The following GRM5 variants were observed in gnomAD, a reference collection of about 807,000 sequenced individuals.
The protein encoded by GRM5 is metabotropic glutamate receptor 5.
In GRM5, 19 loss-of-function variants were observed where a neutral mutation model predicts 83.1. That is an observed-to-expected ratio of 0.23 (90% CI 0.16 to 0.34). The LOEUF is 0.34. Ranked by LOEUF, GRM5 falls within the 10% of genes least tolerant of loss-of-function variation. GRM5 has a pLI of 1.00. For synonymous variants in GRM5, 675 were observed against 633.6 expected (o/e 1.07, Z -0.98); for missense variants, 1,160 against 1,588.3 (o/e 0.73, Z 4.58).
intron 7 of GRM5, among the ~76,000 whole-genome samples, chr11:88,569,763 C>T (rs1375232516): frequency 2.0e-5 from 3 of 152,220 alleles, no homozygotes; most frequent in Non-Finnish European, 2.9e-5. Context: ...TGCATATCCA[C>T]ATCTTCTTTG....
At chr11:88,876,618 G>C (rs567428631) in intron 2 of GRM5, among the ~76,000 whole-genome samples, 3 of 152,046 alleles carry the variant, frequency 2.0e-5, no homozygotes, top group Admixed American at 6.6e-5. Context: ...TTCATTTAAA[G>C]TGAGAGGCAT....
At chr11:89,036,929 C>T (rs1210386273) in intron 2 of GRM5, among the ~76,000 whole-genome samples, 1 of 152,052 alleles carries the variant, frequency 6.6e-6, no homozygotes, top group Non-Finnish European at 1.5e-5. Context: ...TTGGTCCAAG[C>T]TTCTCATTCT....
At chr11:88,802,415 T>A (rs1236108611) in intron 3 of GRM5, among the ~76,000 whole-genome samples, 1 of 152,082 alleles carries the variant, frequency 6.6e-6, no homozygotes, top group African/African-American at 2.4e-5. Flanking sequence ...TAGAGGTCAT[T>A]ATAATAAATG....
At chr11:88,885,098 T>C (rs1032389728) in intron 2 of GRM5, among the ~76,000 whole-genome samples, 11 of 151,976 alleles carry the variant, frequency 7.2e-5, no homozygotes, top group African/African-American at 2.7e-4. Flanking sequence ...TGTTTATAAA[T>C]GTTTCTGAAT....
Position 88,509,052 on chromosome 11 carries a change from T to G in GRM5, c.3179A>C (p.Gln1060Pro). The part of the protein sequence containing the change: ...SSSSQGSLME[Q>P]ISSVVTRFTA... ...GAAGCGGGTGACCACACTGCTGATCTGCTCCATGAGGGAGCCCTGCGAGGA... is the reference window on the plus strand; with the variant it reads ...GAAGCGGGTGACCACACTGCTGATCGGCTCCATGAGGGAGCCCTGCGAGGA... Residue 1060 changes from glutamine (Q) to proline (P), a missense_variant, in exon 10 of 10, where the codon CAG becomes CCG. Transcript: ENST00000305447. 1 of 1,558,382 alleles carries G rather than the reference T, an allele frequency of 6.4e-7. No homozygotes were observed. Among genetic ancestry groups the G allele is most frequent in the South Asian group, 1.2e-5 (1 of 84,648 alleles).
intron 4 of GRM5, among the ~76,000 whole-genome samples, chr11:88,611,660 C>G (rs540208226): frequency 2.1e-4 from 32 of 152,118 alleles, no homozygotes; most frequent in Admixed American, 2.1e-3. Context: ...TTTCAAAAAA[C>G]CAACTTTTGT....
chr11:88,745,439 C>T (rs1184019332), intron 3 of GRM5, among the ~76,000 whole-genome samples: 2 of 152,064 alleles, frequency 1.3e-5, no homozygotes, highest in African/African-American at 4.8e-5. Context: ...CTCCTGAGAT[C>T]AAGCTATCCA....
intron 3 of GRM5, among the ~76,000 whole-genome samples, chr11:88,771,449 A>G (rs965742886): frequency 6.6e-6 from 1 of 152,130 alleles, no homozygotes; most frequent in Non-Finnish European, 1.5e-5. Context: ...CAGGAGTCCA[A>G]AGGCTGAAAA....
At chr11:88,861,557 C>T (rs1385078748) in intron 2 of GRM5, among the ~76,000 whole-genome samples, 1 of 152,100 alleles carries the variant, frequency 6.6e-6, no homozygotes, top group Admixed American at 6.6e-5. Flanking sequence ...CCTCAACTTT[C>T]CAGGCTCAAG....
At chr11:88,756,485 T>C (rs1942396321) in intron 3 of GRM5, among the ~76,000 whole-genome samples, 2 of 152,156 alleles carry the variant, frequency 1.3e-5, no homozygotes, top group South Asian at 4.1e-4. Flanking sequence ...GACATCAGCA[T>C]GACAAGATTT....
At chr11:89,015,096 T>C (rs936480269) in intron 2 of GRM5, among the ~76,000 whole-genome samples, 1 of 152,184 alleles carries the variant, frequency 6.6e-6, no homozygotes, top group Admixed American at 6.5e-5. Flanking sequence ...AGGATGTGAG[T>C]TTACATATTA....
intron 2 of GRM5, among the ~76,000 whole-genome samples, chr11:88,963,050 C>T (rs1416000195): frequency 2.6e-5 from 4 of 152,202 alleles, no homozygotes; most frequent in Non-Finnish European, 5.9e-5. Flanking sequence ...GATCATGCCA[C>T]TGCACACTCC....
chr11:88,672,910 C>A (rs1940227995), intron 3 of GRM5, among the ~76,000 whole-genome samples: 1 of 151,802 alleles, frequency 6.6e-6, no homozygotes, highest in Non-Finnish European at 1.5e-5. Flanking sequence ...CAGTGGTAAT[C>A]AAGACAGAGA....
chr11:88,619,055 A>G (rs1234558413), intron 4 of GRM5, among the ~76,000 whole-genome samples: 3 of 152,194 alleles, frequency 2.0e-5, no homozygotes, highest in Non-Finnish European at 4.4e-5. Flanking sequence ...CCTAATTTTC[A>G]TATTGTTTAA....
intron 3 of GRM5, among the ~76,000 whole-genome samples, chr11:88,785,286 A>C (rs1351626277): frequency 6.6e-6 from 1 of 152,056 alleles, no homozygotes; most frequent in Non-Finnish European, 1.5e-5. Context: ...ACTTTGGCAG[A>C]ATTTCATTCT....
At chr11:88,932,750 T>C (rs1164838817) in intron 2 of GRM5, among the ~76,000 whole-genome samples, 1 of 151,874 alleles carries the variant, frequency 6.6e-6, no homozygotes, top group Admixed American at 6.6e-5. Flanking sequence ...GTTACCAATA[T>C]TTCTATATCA....
intron 3 of GRM5, among the ~76,000 whole-genome samples, chr11:88,678,357 C>G (rs866784961): frequency 3.3e-5 from 5 of 152,098 alleles, no homozygotes; most frequent in African/African-American, 1.2e-4. Flanking sequence ...TGGTCCCCAG[C>G]CATGTTGCAT....
chr11:88,570,571 A>ATATATATAT (rs1405339448), intron 7 of GRM5, among the ~76,000 whole-genome samples: 1 of 46,378 alleles, frequency 2.2e-5, no homozygotes, highest in African/African-American at 1.3e-4. Flanking sequence ...ATATATATAT[A>ATATATATAT]TTTTTTTTTT....
At chr11:88,754,138 A>G (rs1942346798) in intron 3 of GRM5, among the ~76,000 whole-genome samples, 2 of 152,198 alleles carry the variant, frequency 1.3e-5, no homozygotes, top group African/African-American at 2.4e-5. Flanking sequence ...TTTCAGGGAC[A>G]TGGATGGATT....
Sources: gnomAD v4.1 joint callset for allele counts (sites outside exome capture counted in the v4.1 genomes callset) on GRCh38, gnomAD v4.1.1 for gene constraint, MANE v1.5 for transcripts, NCBI Gene and HGNC (gene_info 2026-07-23, HGNC 2026-07-21) for gene names.